The following VTCN1 variants were observed in gnomAD, a reference collection of about 807,000 sequenced individuals.
The protein encoded by VTCN1 is V-set domain containing T cell activation inhibitor 1.
In VTCN1, 26 loss-of-function variants were observed where a neutral mutation model predicts 26.5. The observed-to-expected ratio is 0.98, with a 90% confidence interval of 0.72 to 1.36. The LOEUF is 1.36. VTCN1 is among the 40% of genes most tolerant of loss of function. The pLI is 0.00. For missense variants in VTCN1, 298 were observed against 337.7 expected, an observed-to-expected ratio of 0.88 and a Z score of 0.92; for synonymous variants, 116 against 130.7, an observed-to-expected ratio of 0.89 and a Z score of 0.77.
At position 117,146,315 on chromosome 1, in the gene VTCN1, C is replaced by T. The variant is rs77768877; in HGVS notation, c.*46-1090G>A. ...TGTGGAGGATTGGAAATGATGAAAA[C>T]TGGCGGGTTTCCTTACAAAGAATCT... On this transcript the variant is annotated intron_variant, in intron 5 of 5. Transcript: ENST00000369458. The surrounding 1 kb of genome is among the most constrained non-coding windows in gnomAD (Gnocchi z 4.2). 2.3e-4 allele frequency among the ~76,000 whole-genome samples: 35 copies of T among 152,274 alleles called. No homozygotes were observed. In the East Asian group the frequency reaches 5.8e-3, roughly 25 times the overall value.
intron 1 of VTCN1, among the ~76,000 whole-genome samples, chr1:117,191,788 T>C (rs1436021020): frequency 6.6e-6 from 1 of 151,858 alleles, no homozygotes; most frequent in Non-Finnish European, 1.5e-5. Context: ...TCTCAATAAA[T>C]AAATAAATAA....
At chr1:117,153,738 G>A (rs1651924908) in intron 3 of VTCN1, among the ~76,000 whole-genome samples, 1 of 152,106 alleles carries the variant, frequency 6.6e-6, no homozygotes, top group South Asian at 2.1e-4. Context: ...TGAAGCTTCT[G>A]GATTTTATGT....
intron 1 of VTCN1, among the ~76,000 whole-genome samples, chr1:117,198,341 C>T (rs552068319): frequency 1.0e-3 from 158 of 152,292 alleles, no homozygotes; most frequent in Non-Finnish European, 2.0e-3. Context: ...ATGTGAATGA[C>T]AGACAAGCCT....
chr1:117,170,325 C>T (rs777839810), intron 1 of VTCN1, 154 bp from the exon 2 acceptor site: 5 of 770,380 alleles, frequency 6.5e-6, no homozygotes, highest in Admixed American at 1.7e-5. Flanking sequence ...AAACGGGTAC[C>T]TTAGAAAGGA....
chr1:117,152,687 A>C (rs1055069811), intron 4 of VTCN1, among the ~76,000 whole-genome samples: 2 of 151,482 alleles, frequency 1.3e-5, no homozygotes, highest in East Asian at 3.9e-4. Flanking sequence ...GCAGGGTGGA[A>C]GCAAACCTTG....
chr1:117,167,186 C>A lies in VTCN1; in HGVS notation c.97+2921G>T, dbSNP rs181932586. Among the ~76,000 whole-genome samples, 50 of 151,772 alleles carry A rather than the reference C, an allele frequency of 3.3e-4. No homozygotes were observed. The highest frequency in any genetic ancestry group is 6.8e-4 in the Non-Finnish European group (46 of 67,994). ...TTTTATGTTTTTATATATACATTTA[C>A]AAATGTTTTTGTATGTCTGTACTGA... On this transcript the variant is annotated intron_variant, in intron 2 of 5. Coordinates refer to ENST00000369458, the MANE Select transcript of VTCN1 (RefSeq NM_024626.4). This position sits in a 1 kb window ranked among gnomAD's most constrained non-coding sequence, Gnocchi z 4.1.
At chr1:117,152,772 C>T (rs879905214) in intron 4 of VTCN1, among the ~76,000 whole-genome samples, 2 of 152,200 alleles carry the variant, frequency 1.3e-5, no homozygotes, top group African/African-American at 2.4e-5. Context: ...ATCACTTCCT[C>T]ACTGCTGTAG....
At position 117,161,819 on chromosome 1, in the gene VTCN1, G is replaced by A. The variant is rs1206748621; in HGVS notation, c.98-4898C>T. Reference sequence around the variant, plus strand: ...AAAATCATGAATCAAATACAACTATGTTACAGCAAAGGTAAATTTGATGGT... The same window carrying A: ...AAAATCATGAATCAAATACAACTATATTACAGCAAAGGTAAATTTGATGGT... On this transcript the variant is annotated intron_variant, in intron 2 of 5. Transcript: ENST00000369458. The surrounding 1 kb of genome is among the most constrained non-coding windows in gnomAD (Gnocchi z 4.3). 1.3e-5 allele frequency among the ~76,000 whole-genome samples: 2 copies of A among 152,134 alleles called. No individual in the cohort carries two copies. Among genetic ancestry groups the A allele is most frequent in the Non-Finnish European group, 2.9e-5 (2 of 68,024 alleles).
At chr1:117,163,853 T>A (rs1223693504) in intron 2 of VTCN1, among the ~76,000 whole-genome samples, 1 of 152,214 alleles carries the variant, frequency 6.6e-6, no homozygotes, top group Non-Finnish European at 1.5e-5. Context: ...CCACAGCTGT[T>A]TATTTTCTCA....
At chr1:117,158,546 A>T (rs116174625) in intron 2 of VTCN1, among the ~76,000 whole-genome samples, 4,053 of 152,178 alleles carry the variant, frequency 0.027, 171 homozygotes, top group African/African-American at 0.093. Flanking sequence ...GGCCCACAAA[A>T]CTATTTTCTC....
At chr1:117,210,777 C>T in intron 1 of VTCN1, 47 bp downstream of exon 1, 1 of 1,605,242 alleles carries the variant, frequency 6.2e-7, no homozygotes, top group Non-Finnish European at 8.5e-7. Context: ...AAAGACCTCA[C>T]TGCTGTTCCC....
At chr1:117,203,339 G>A (rs1196533356) in intron 1 of VTCN1, among the ~76,000 whole-genome samples, 2 of 152,110 alleles carry the variant, frequency 1.3e-5, no homozygotes, top group Non-Finnish European at 2.9e-5. Flanking sequence ...AAAACACAAT[G>A]AGGAGGTGAG....
chr1:117,197,142 A>C (rs1323615634), intron 1 of VTCN1, among the ~76,000 whole-genome samples: 2 of 152,228 alleles, frequency 1.3e-5, no homozygotes, highest in East Asian at 3.8e-4. Context: ...TATTAAGATA[A>C]GTACAATATG....
At position 117,145,528 on chromosome 1, in the gene VTCN1, G is replaced by A. The variant is rs1199294648; in HGVS notation, c.*46-303C>T. 6.6e-6 allele frequency among the ~76,000 whole-genome samples: 1 copy of A among 152,192 alleles called. No homozygotes were observed. Among genetic ancestry groups the A allele is most frequent in the Non-Finnish European group, 1.5e-5 (1 of 68,026 alleles). On this transcript the variant is annotated intron_variant, in intron 5 of 5. Transcript: ENST00000369458. This position sits in a 1 kb window ranked among gnomAD's most constrained non-coding sequence, Gnocchi z 4.6. ...AGTCTGGGCAGGCTCCTGAATAGAG[G>A]TGGAAAGGTGGTTTCTGCCTCAATT...
intron 1 of VTCN1, among the ~76,000 whole-genome samples, chr1:117,204,150 T>C (rs1218724631): frequency 6.6e-6 from 1 of 152,222 alleles, no homozygotes; most frequent in African/African-American, 2.4e-5. Flanking sequence ...TGCAAGTCTC[T>C]GTTTTTCTGC....
intron 2 of VTCN1, among the ~76,000 whole-genome samples, chr1:117,157,171 A>G (rs1175721183): frequency 6.6e-6 from 1 of 151,342 alleles, no homozygotes; most frequent in East Asian, 1.9e-4. Flanking sequence ...AACCTTGAGA[A>G]CACATTGGAC....
At chr1:117,209,859 G>A (rs6659636) in intron 1 of VTCN1, among the ~76,000 whole-genome samples, 149,992 of 152,344 alleles carry the variant, frequency 0.98, 73,893 homozygotes, top group East Asian at 1. Flanking sequence ...CTGCCTCTGG[G>A]AAGTAACATT....
At position 117,189,269 on chromosome 1, in the gene VTCN1, C is replaced by T. The variant is rs771195772; in HGVS notation, c.33-19098G>A. Among the ~76,000 whole-genome samples the T allele has an allele frequency of 4.6e-5, 7 of 152,156 alleles. No homozygotes were observed. In the East Asian group the frequency reaches 5.8e-4, roughly 13 times the overall value. On this transcript the variant is annotated intron_variant, in intron 1 of 5. Coordinates refer to ENST00000369458, the MANE Select transcript of VTCN1 (RefSeq NM_024626.4). ...TACCCTGCTGCCTATTTTCTTGTCT[C>T]GCACCTGCAGGTCCACTATCCTCTG... is the stretch of plus-strand genomic sequence containing the variant.
At chr1:117,176,608 C>T (rs994729480) in intron 1 of VTCN1, among the ~76,000 whole-genome samples, 2 of 152,170 alleles carry the variant, frequency 1.3e-5, no homozygotes, top group African/African-American at 4.8e-5. Flanking sequence ...AGTTTAGCTC[C>T]ACTCGTGTGA....
Sources: allele counts gnomAD v4.1 joint callset (sites outside exome capture counted in the v4.1 genomes callset), GRCh38; gene constraint gnomAD v4.1.1; non-coding constraint Gnocchi (gnomAD v3.1); transcripts MANE v1.5; gene names NCBI Gene and HGNC (gene_info 2026-07-23, HGNC 2026-07-21).